Variants in TSPAN15 observed in about 807,000 individuals in gnomAD.
TSPAN15 encodes the protein tetraspanin 15.
TSPAN15 carries 20 observed loss-of-function variants against 34.5 expected under a neutral mutation model. The ratio of observed to expected loss-of-function variants is 0.58; its 90% CI spans 0.41 to 0.84. TSPAN15 has a LOEUF of 0.84. Among genes scored for constraint, TSPAN15 ranks in the 40% least tolerant of loss-of-function variants. The pLI is 0.00. For synonymous variants in TSPAN15, 155 were observed against 153.9 expected, an observed-to-expected ratio of 1.01 and a Z score of -0.05; for missense variants, 313 against 386.1, an observed-to-expected ratio of 0.81 and a Z score of 1.59.
chr10:69,544,512 G>A, the TSPAN15 span, among the ~76,000 whole-genome samples: 1 of 152,208 alleles, frequency 6.6e-6, no homozygotes, highest in Non-Finnish European at 1.5e-5. Context: ...CGGTTCAAAA[G>A]CTGCTCCAGG....
chr10:69,466,186 C>T (rs911810795), intron 1 of TSPAN15, among the ~76,000 whole-genome samples: 23 of 152,184 alleles, frequency 1.5e-4, no homozygotes, highest in African/African-American at 4.6e-4. Flanking sequence ...TAGGATATGC[C>T]AGGGCGTGAG....
chr10:69,547,733 A>T, the TSPAN15 span, among the ~76,000 whole-genome samples: 1 of 152,154 alleles, frequency 6.6e-6, no homozygotes, highest in Non-Finnish European at 1.5e-5. Context: ...GGTAGATTAG[A>T]GCTGACCTTA....
intron 2 of TSPAN15, among the ~76,000 whole-genome samples, chr10:69,484,293 T>G (rs1291206407): frequency 6.6e-6 from 1 of 152,196 alleles, no homozygotes; most frequent in African/African-American, 2.4e-5. Context: ...GGCTGCTCCC[T>G]TTGCAGTGGT....
At chr10:69,536,709 G>A in the TSPAN15 span, among the ~76,000 whole-genome samples, 1 of 152,094 alleles carries the variant, frequency 6.6e-6, no homozygotes, top group African/African-American at 2.4e-5. Flanking sequence ...TCCTGGTCGG[G>A]CATGGTGGCT....
Position 69,485,184 on chromosome 10 carries a change from G to A in TSPAN15, c.326G>A (p.Gly109Asp). 6.2e-7 allele frequency: 1 copy of A among 1,614,158 alleles called. No homozygotes were observed. The highest frequency in any genetic ancestry group is 8.5e-7 in the Non-Finnish European group (1 of 1,180,034). Reference sequence around the variant, plus strand: ...ATCTGCCTCATCATGGAGCTCATTGGTGGCGTGGTGGCCTTGACCTTCCGG... The same window carrying A: ...ATCTGCCTCATCATGGAGCTCATTGATGGCGTGGTGGCCTTGACCTTCCGG... Reference protein sequence around the residue: ...LGICLIMELIGGVVALTFRNQ... With the variant: ...LGICLIMELIDGVVALTFRNQ... Residue 109 changes from glycine (G) to aspartate (D), a missense_variant, in exon 3 of 8, where the codon GGT (glycine) becomes GAT (aspartate). By Grantham distance (94) the Gly-to-Asp change is moderately conservative. Transcript: ENST00000373290.
intron 3 of TSPAN15, chr10:69,494,830 G>GGC (rs1240545023): frequency 2.0e-6 from 2 of 985,494 alleles, no homozygotes; most frequent in Non-Finnish European, 2.4e-6. Context: ...CAGTGAGCTG[G>GGC]GCTGCCCACG....
the TSPAN15 span, among the ~76,000 whole-genome samples, chr10:69,539,441 G>GAA: frequency 4.6e-5 from 3 of 65,436 alleles, no homozygotes; most frequent in East Asian, 7.9e-4. Context: ...AGAAGAAGAA[G>GAA]GAAGAAGAAG....
chr10:69,455,438 T>C (rs1841066136), intron 1 of TSPAN15, among the ~76,000 whole-genome samples: 1 of 152,214 alleles, frequency 6.6e-6, no homozygotes, highest in Non-Finnish European at 1.5e-5. Flanking sequence ...GTTGGCTACA[T>C]AGATTCCACT....
At chr10:69,510,258 G>T (rs1250937623), downstream of TSPAN15, among the ~76,000 whole-genome samples, 1 of 152,188 alleles carries the variant, frequency 6.6e-6, no homozygotes, top group Non-Finnish European at 1.5e-5. Context: ...ATTTCCTTGA[G>T]CACTAGTTTG....
chr10:69,504,576 G>A (rs112602665), intron 6 of TSPAN15, 91 bp downstream of exon 6: 2 of 1,323,740 alleles, frequency 1.5e-6, no homozygotes, highest in South Asian at 1.2e-5. Context: ...TCGGGGTCCT[G>A]GCCACTGAGA....
chr10:69,452,760 C>T (rs1268947066), intron 1 of TSPAN15, among the ~76,000 whole-genome samples: 2 of 152,204 alleles, frequency 1.3e-5, no homozygotes, highest in Non-Finnish European at 2.9e-5. Flanking sequence ...ACTCCAGAAT[C>T]GCTCTCTGCC....
At chr10:69,490,645 C>G (rs1841948550) in intron 3 of TSPAN15, among the ~76,000 whole-genome samples, 1 of 152,184 alleles carries the variant, frequency 6.6e-6, no homozygotes, top group Non-Finnish European at 1.5e-5. Context: ...TGCTTCAACC[C>G]AGGAGGCAGA....
chr10:69,467,372 C>G (rs756063471), intron 1 of TSPAN15, among the ~76,000 whole-genome samples: 1 of 152,182 alleles, frequency 6.6e-6, no homozygotes, highest in Non-Finnish European at 1.5e-5. Context: ...TGACCCTTGC[C>G]TGGGGCCACT....
At chr10:69,499,547 T>G (rs1227180873) in intron 5 of TSPAN15, among the ~76,000 whole-genome samples, 1 of 152,170 alleles carries the variant, frequency 6.6e-6, no homozygotes, top group Non-Finnish European at 1.5e-5. Flanking sequence ...ATTCATTCAT[T>G]CATTCATTCA....
chr10:69,508,179 C>T (rs548188614), downstream of TSPAN15, among the ~76,000 whole-genome samples: 3 of 152,068 alleles, frequency 2.0e-5, no homozygotes, highest in Non-Finnish European at 4.4e-5. Flanking sequence ...CATGGTGGCT[C>T]ACGCCTGTAA....
the TSPAN15 span, among the ~76,000 whole-genome samples, chr10:69,527,543 C>T: frequency 6.9e-6 from 1 of 145,354 alleles, no homozygotes; most frequent in Non-Finnish European, 1.5e-5. Flanking sequence ...TGCAGTGAGC[C>T]GAGATCGCAC....
chr10:69,480,961 G>C (rs968824983), intron 1 of TSPAN15, among the ~76,000 whole-genome samples: 1 of 152,160 alleles, frequency 6.6e-6, no homozygotes. Flanking sequence ...GCCTCCTAAA[G>C]TGCTGGGATT....
At chr10:69,483,199 A>G (rs1841775457) in intron 1 of TSPAN15, among the ~76,000 whole-genome samples, 1 of 152,102 alleles carries the variant, frequency 6.6e-6, no homozygotes, top group Non-Finnish European at 1.5e-5. Context: ...AGTGTTAGCC[A>G]TGATGGTCTC....
At chr10:69,458,630 A>G (rs1418357028) in intron 1 of TSPAN15, among the ~76,000 whole-genome samples, 2 of 152,190 alleles carry the variant, frequency 1.3e-5, no homozygotes, top group Non-Finnish European at 2.9e-5. Flanking sequence ...ATCTCATAGC[A>G]TCAGACTGGG....
Sources: gnomAD v4.1 joint callset for allele counts (sites outside exome capture counted in the v4.1 genomes callset) on GRCh38, gnomAD v4.1.1 for gene constraint, MANE v1.5 for transcripts, NCBI Gene and HGNC (gene_info 2026-07-23, HGNC 2026-07-21) for gene names.